Variants in EP400 observed in about 807,000 individuals in gnomAD.
EP400 encodes the protein E1A-binding protein p400.
Under a neutral mutation model 354.1 loss-of-function variants are expected in EP400, and 105 were observed. That is an observed-to-expected ratio of 0.30 (90% confidence interval 0.25 to 0.35). The LOEUF (loss-of-function observed/expected upper bound fraction) is 0.35. EP400 is among the 10% of genes least tolerant of loss of function. The probability of loss-of-function intolerance (pLI) is 1.00; values close to 1 mark genes in which losing one functional copy is unlikely to be tolerated. For synonymous variants in EP400, 1,646 were observed against 1,716.9 expected, an observed-to-expected ratio of 0.96 and a Z score of 1.02; for missense variants, 3,280 against 4,121.0, an observed-to-expected ratio of 0.80 and a Z score of 5.59.
chr12:132,028,220 A>C lies in EP400; in HGVS notation c.5313A>C (p.Ser1771=). 1 of 1,614,202 alleles carries C rather than the reference A, an allele frequency of 6.2e-7. No individual in the cohort carries two copies. Among genetic ancestry groups the C allele is most frequent in the African/African-American group, 1.3e-5 (1 of 75,062 alleles). The change falls in exon 27 of 53, where the codon TCA becomes TCC. Residue 1771 remains serine (S), a synonymous_variant. Coordinates refer to ENST00000389561, the MANE Select transcript of EP400 (RefSeq NM_015409.5). ...CAGCGCACAGTTACACTTCATCCTC[A>C]GAAAGTCCAAGTGAGCTGATGTTGA... ...AGPAHSYTSS[S]ESPSELMLTL... is the part of the protein sequence containing the mutation.
intron 7 of EP400, among the ~76,000 whole-genome samples, chr12:131,988,779 C>CGA (rs1662097062): frequency 6.6e-6 from 1 of 152,162 alleles, no homozygotes; most frequent in Admixed American, 6.5e-5. Flanking sequence ...GTCGCTGCCT[C>CGA]TGTTTCTTGG....
At chr12:131,979,184 C>T (rs1362114038) in intron 2 of EP400, among the ~76,000 whole-genome samples, 3 of 151,372 alleles carry the variant, frequency 2.0e-5, no homozygotes, top group Non-Finnish European at 2.9e-5. Flanking sequence ...TACACTCCAG[C>T]CTGGGTGACA....
intron 1 of EP400, among the ~76,000 whole-genome samples, chr12:131,953,718 T>C (rs937159989): frequency 2.6e-5 from 4 of 152,272 alleles, no homozygotes; most frequent in African/African-American, 9.6e-5. Context: ...GGTTAGTAGC[T>C]TTTAATTTGT....
chr12:131,977,307 T>G (rs947637295), intron 2 of EP400, among the ~76,000 whole-genome samples: 7 of 151,644 alleles, frequency 4.6e-5, no homozygotes, highest in Non-Finnish European at 1.0e-4. Flanking sequence ...TGACTAATTT[T>G]TTTTTTTTTT....
rs914047196 is a variant in EP400, at chr12:132,037,799, C to T, written c.6063+6C>T. On this transcript the variant is annotated splice_donor_region_variant and intron_variant, in intron 31 of 52. Transcript: ENST00000389561. ...CCATGGCTTTCTTAACTCAGGTACT[C>T]CTTATTCAATGAGAGGCCTGAGGTG... is the stretch of plus-strand genomic sequence containing the variant. The T allele has an allele frequency of 1.2e-6, 2 of 1,613,636 alleles. No homozygotes were observed. Among genetic ancestry groups the T allele is most frequent in the African/African-American group, 2.7e-5 (2 of 74,912 alleles).
intron 1 of EP400, among the ~76,000 whole-genome samples, chr12:131,958,538 G>A (rs1438902153): frequency 6.6e-6 from 1 of 152,336 alleles, no homozygotes; most frequent in Non-Finnish European, 1.5e-5. Flanking sequence ...CCAAGACTTA[G>A]AAGAGCCTTA....
chr12:132,032,170 G>C (rs1308157027), intron 30 of EP400, 21 bp downstream of exon 30: 1 of 1,599,536 alleles, frequency 6.3e-7, no homozygotes, highest in Non-Finnish European at 8.5e-7. Context: ...GCGGGGGATA[G>C]GATCAGGAGA....
rs775105277 is a variant in EP400, at chr12:132,044,166, C to G, written c.6451-11C>G. On this transcript the variant is annotated splice_polypyrimidine_tract_variant and intron_variant, in intron 34 of 52. Transcript: ENST00000389561. ...CCTGATCCTGAAAGTTCTTGCTGCT[C>G]TCCCCGTCAGGACGCAGTGATGACT... The G allele has an allele frequency of 1.9e-6, 3 of 1,612,754 alleles. No homozygotes were observed. The highest frequency in any genetic ancestry group is 2.5e-6 in the Non-Finnish European group (3 of 1,178,924).
In EP400 at chr12:132,013,201, A is replaced by T. The variant is rs370236684; in HGVS notation, c.3611+23A>T. ...GAGGTCTGTGTGTTACGCGCTTGTCATTGAGTGTTCTTTGCTGTTGATGTA... is the reference window on the plus strand; with the variant it reads ...GAGGTCTGTGTGTTACGCGCTTGTCTTTGAGTGTTCTTTGCTGTTGATGTA... On this transcript the variant is annotated intron_variant, in intron 17 of 52. Transcript: ENST00000389561. This position sits in a 1 kb window ranked among gnomAD's most constrained non-coding sequence, Gnocchi z 4.5. 1.3e-6 allele frequency: 2 copies of T among 1,589,220 alleles called. No individual in the cohort carries two copies. Among genetic ancestry groups the T allele is most frequent in the Non-Finnish European group, 1.7e-6 (2 of 1,163,580 alleles).
At chr12:132,055,238 C>T in intron 45 of EP400, 30 bp downstream of exon 45, 1 of 1,476,974 alleles carries the variant, frequency 6.8e-7, no homozygotes, top group Admixed American at 2.4e-5. Flanking sequence ...GGTTGTGCAC[C>T]TTGACTGCAT....
chr12:131,950,264 C>T (rs1478100415), intron 1 of EP400, among the ~76,000 whole-genome samples: 1 of 152,074 alleles, frequency 6.6e-6, no homozygotes, highest in Admixed American at 6.5e-5. Flanking sequence ...GCCCGTCCCC[C>T]GCAGGTCGCG....
At chr12:131,963,625 C>T in intron 2 of EP400, 2 of 1,598,062 alleles carry the variant, frequency 1.3e-6, no homozygotes, top group Non-Finnish European at 1.7e-6. Flanking sequence ...TTTTTCATCC[C>T]AGCAGCAACC....
At chr12:132,041,651 T>C (rs988480254) in intron 32 of EP400, among the ~76,000 whole-genome samples, 2 of 152,268 alleles carry the variant, frequency 1.3e-5, no homozygotes, top group African/African-American at 2.4e-5. Context: ...GGTAAGCACG[T>C]ATGTGCAATT....
intron 13 of EP400, 134 bp from the exon 14 acceptor site, chr12:132,005,978 C>A: frequency 2.4e-6 from 2 of 830,024 alleles, no homozygotes; most frequent in Non-Finnish European, 1.8e-6. Context: ...TTTTGGATTA[C>A]AAATAAAAAA....
chr12:132,048,419 G>A (rs899314690), intron 39 of EP400, among the ~76,000 whole-genome samples: 7 of 152,094 alleles, frequency 4.6e-5, no homozygotes, highest in East Asian at 1.9e-4. Context: ...CCCTCTGTTC[G>A]GGGTCCCTGA....
rs936150743 is a variant in EP400 at position 131,963,912 on chromosome 12, A to G, written c.1335+1958A>G. ...GCATGTCATCTAATAGTCCTGTTGA[A>G]TGTATGCTCAGGATTCCTTGTGTGC... On this transcript the variant is annotated intron_variant, in intron 2 of 52. Transcript: ENST00000389561. 5.9e-5 allele frequency among the ~76,000 whole-genome samples: 9 copies of G among 152,180 alleles called. No homozygotes were observed. In the South Asian group the frequency reaches 8.3e-4, roughly 14 times the overall value.
In EP400 at chr12:132,077,577, G is replaced by T; in HGVS notation, c.9276G>T (p.Val3092=). 6.2e-7 allele frequency: 1 copy of T among 1,613,844 alleles called. No homozygotes were observed. The highest frequency in any genetic ancestry group is 1.1e-5 in the South Asian group (1 of 91,076). Residue 3092 remains valine, a synonymous_variant, in exon 53 of 53, where the codon GTG becomes GTT. Transcript: ENST00000389561. ...CAGGCGCTCCCAACCCAGCCCAGGT[G>T]CCCGCCAGCTCCGACAGCCCAAGCC... is the stretch of plus-strand genomic sequence containing the variant. The part of the protein sequence containing the change: ...QTPGAPNPAQ[V]PASSDSPSQQ...
chr12:131,951,879 C>T (rs1336546213), intron 1 of EP400, among the ~76,000 whole-genome samples: 1 of 151,086 alleles, frequency 6.6e-6, no homozygotes, highest in Non-Finnish European at 1.5e-5. Context: ...CGGGTTCAAG[C>T]GATTCTCTTG....
rs1437011500 is a variant in EP400, at chr12:132,017,975, G to A, written c.4111-235G>A. On this transcript the variant is annotated intron_variant, in intron 20 of 52. Coordinates refer to ENST00000389561, the MANE Select transcript of EP400 (RefSeq NM_015409.5). The surrounding 1 kb of genome is among the most constrained non-coding windows in gnomAD (Gnocchi z 5.0). The stretch of plus-strand genomic sequence containing the variant: ...GCAGAGGGCAGGCTTTCTTGGCGTT[G>A]TGTGGATTGTGGGCTGTGAGAAGTA... 6.6e-6 allele frequency among the ~76,000 whole-genome samples: 1 copy of A among 152,222 alleles called. No homozygotes were observed. Among genetic ancestry groups the A allele is most frequent in the East Asian group, 1.9e-4 (1 of 5,188 alleles).
Sources: gnomAD v4.1 joint callset for allele counts (sites outside exome capture counted in the v4.1 genomes callset) on GRCh38, gnomAD v4.1.1 for gene constraint, Gnocchi (gnomAD v3.1) non-coding constraint, MANE v1.5 for transcripts, NCBI Gene and HGNC (gene_info 2026-07-23, HGNC 2026-07-21) for gene names.